The following CSTF2T variants were observed in gnomAD, a reference collection of about 807,000 sequenced individuals.
The protein encoded by CSTF2T is cleavage stimulation factor subunit 2 tau variant.
Under a neutral mutation model 39.9 loss-of-function variants are expected in CSTF2T, and 18 were observed. The ratio of observed to expected loss-of-function variants is 0.45; its 90% CI spans 0.31 to 0.67. The LOEUF is 0.67. CSTF2T is among the 30% of genes least tolerant of loss of function. CSTF2T has a pLI of 0.06. For missense variants in CSTF2T, 681 were observed against 789.0 expected (o/e 0.86, Z 1.64); for synonymous variants, 291 against 276.4 (o/e 1.05, Z -0.52).
Position 51,699,565 on chromosome 10 carries a change from G to C in CSTF2T, c.-16C>G, listed in dbSNP as rs561264758. Reference sequence around the variant, plus strand: ...AACTCGACATGATTCCGGTTGTGCAGACAGCCGATAGCGGATTCTTCGAGG... The same window carrying C: ...AACTCGACATGATTCCGGTTGTGCACACAGCCGATAGCGGATTCTTCGAGG... On this transcript the variant is annotated 5_prime_UTR_variant, in exon 1 of 1. Coordinates refer to ENST00000331173, the MANE Select transcript of CSTF2T (RefSeq NM_015235.3). 6.3e-7 allele frequency: 1 copy of C among 1,599,086 alleles called. No homozygotes were observed. The highest frequency in any genetic ancestry group is 1.1e-5 in the South Asian group (1 of 89,520).
In CSTF2T at chr10:51,697,545, C is replaced by A; in HGVS notation, c.*154G>T. On this transcript the variant is annotated 3_prime_UTR_variant, in exon 1 of 1. Coordinates refer to ENST00000331173, the MANE Select transcript of CSTF2T (RefSeq NM_015235.3). Reference sequence around the variant, plus strand: ...CCCTCAATTAAAAAAAAAAGGAAAACAGAAAGAAAGAAAAAGAACAAAAAA... The same window carrying A: ...CCCTCAATTAAAAAAAAAAGGAAAAAAGAAAGAAAGAAAAAGAACAAAAAA... 26 of 760,008 alleles carry A rather than the reference C, an allele frequency of 3.4e-5. No individual in the cohort carries two copies. Among genetic ancestry groups the A allele is most frequent in the East Asian group, 1.1e-4 (4 of 35,460 alleles). 47.1% of individuals were successfully genotyped at this position (760,008 alleles called of 1,614,324 possible).
rs369546537 is a variant in CSTF2T at position 51,698,062 on chromosome 10, T to C, written c.1488A>G (p.Pro496=). 5.0e-6 allele frequency: 8 copies of C among 1,614,094 alleles called. No individual in the cohort carries two copies. In the African/African-American group the frequency reaches 9.3e-5, roughly 19 times the overall value. The change falls in exon 1 of 1, where the codon CCA becomes CCG. Residue 496 remains proline, a synonymous_variant. Coordinates refer to ENST00000331173, the MANE Select transcript of CSTF2T (RefSeq NM_015235.3). ...CAGGATTCCCCACCCCTGAAATGCCTGGGACCTGTCTGGGTCCCTGAGGAG... is the reference window on the plus strand; with the variant it reads ...CAGGATTCCCCACCCCTGAAATGCCCGGGACCTGTCTGGGTCCCTGAGGAG... The part of the protein sequence containing the change: ...GGPPQGPRQV[P]GISGVGNPGA...
Position 51,697,738 on chromosome 10 carries a change from A to C in CSTF2T, c.1812T>G (p.Ile604Met). The part of the protein sequence containing the change: ...LPPEQRQSIL[I>M]LKEQIQKSTG... ...TGGATTTCTGGATTTGTTCCTTTAA[A>C]ATCAGGATACTCTGCCTTTGCTCAG... is the stretch of plus-strand genomic sequence containing the variant. The change falls in exon 1 of 1, where the codon ATT becomes ATG. Residue 604 changes from isoleucine to methionine, a missense_variant. By Grantham distance (10) the Ile-to-Met change is conservative. Around this residue, in one of 4 missense-constraint regions of CSTF2T, gnomAD observed 282 missense variants for 289.2 expected, o/e 0.98. Coordinates refer to ENST00000331173, the MANE Select transcript of CSTF2T (RefSeq NM_015235.3). The C allele has an allele frequency of 6.2e-7, 1 of 1,614,156 alleles. No individual in the cohort carries two copies.
In CSTF2T at chr10:51,695,776, C is replaced by T. The variant is rs1467444103; in HGVS notation, c.*1923G>A. 2 of 152,078 alleles carry T rather than the reference C, an allele frequency of 1.3e-5. No individual in the cohort carries two copies. The highest frequency in any genetic ancestry group is 2.9e-5 in the Non-Finnish European group (2 of 67,988). The allele number at this position is 152,078 out of a possible 1,614,324, so 9.4% of individuals were successfully genotyped here. ...GAAAACAACAGCATAGGGATGAAAACCTTGCAAACAAAGAATTACTAATTT... is the reference window on the plus strand; with the variant it reads ...GAAAACAACAGCATAGGGATGAAAATCTTGCAAACAAAGAATTACTAATTT... On this transcript the variant is annotated 3_prime_UTR_variant, in exon 1 of 1. Coordinates refer to ENST00000331173, the MANE Select transcript of CSTF2T (RefSeq NM_015235.3).
rs1491289582 is a variant in CSTF2T, at chr10:51,697,103, A to AT, written c.*595dup. 1.3e-5 allele frequency: 2 copies of AT among 152,254 alleles called. No homozygotes were observed. The highest frequency in any genetic ancestry group is 4.8e-5 in the African/African-American group (2 of 41,436). 9.4% of individuals were successfully genotyped at this position (152,254 alleles called of 1,614,324 possible). ...TGCACTCCTTGATTTTTCAGGTAAC[A>AT]TAACTTTAGAAAAAAACAATTCTAA... On this transcript the variant is annotated 3_prime_UTR_variant, in exon 1 of 1. Coordinates refer to ENST00000331173, the MANE Select transcript of CSTF2T (RefSeq NM_015235.3).
chr10:51,696,928 T>C lies in CSTF2T; in HGVS notation c.*771A>G, dbSNP rs1048744579. Reference sequence around the variant, plus strand: ...AAGACTATTGAGAAATAGGAAGGTATTGAGAGACTGGGTTTCATCAGAGCG... The same window carrying C: ...AAGACTATTGAGAAATAGGAAGGTACTGAGAGACTGGGTTTCATCAGAGCG... On this transcript the variant is annotated 3_prime_UTR_variant, in exon 1 of 1. Transcript: ENST00000331173. 3 of 152,182 alleles carry C rather than the reference T, an allele frequency of 2.0e-5. No homozygotes were observed. The highest frequency in any genetic ancestry group is 3.4e-3 in the Middle Eastern group (1 of 294). 9.4% of individuals were successfully genotyped at this position (152,182 alleles called of 1,614,324 possible). A position where few individuals can be genotyped will look rare whatever the true frequency, so the allele number is the denominator to read the frequency against.
At position 51,699,047 on chromosome 10, in the gene CSTF2T, A is replaced by G; in HGVS notation, c.503T>C (p.Leu168Pro). The G allele has an allele frequency of 6.2e-7, 1 of 1,614,226 alleles. No individual in the cohort carries two copies. Among genetic ancestry groups the G allele is most frequent in the Admixed American group, 1.7e-5 (1 of 60,030 alleles). Residue 168 changes from leucine (L) to proline (P), a missense_variant, in exon 1 of 1, where the codon CTG (leucine) becomes CCG (proline). This residue lies in a region of CSTF2T where 329 missense variants were observed against 344.1 expected (regional missense o/e 0.96). Coordinates refer to ENST00000331173, the MANE Select transcript of CSTF2T (RefSeq NM_015235.3). ...ARNMLLQNPQ[L>P]AYALLQAQVV... is the part of the protein sequence containing the mutation. ...TTGTGCCTGCAACAGTGCATAAGCC[A>G]GTTGTGGATTTTGAAGTAACATGTT...
At position 51,697,593 on chromosome 10, in the gene CSTF2T, G is replaced by A. The variant is rs915872436; in HGVS notation, c.*106C>T. The A allele has an allele frequency of 1.8e-6, 2 of 1,101,210 alleles. No individual in the cohort carries two copies. The allele number at this position is 1,101,210 out of a possible 1,614,324, so 68.2% of individuals were successfully genotyped here. On this transcript the variant is annotated 3_prime_UTR_variant, in exon 1 of 1. Transcript: ENST00000331173. ...AAATAAGATTAGGTTCTAGGAGGAG[G>A]GAAACCCTAATCCAAGTGTGGGGAT...
In CSTF2T at chr10:51,697,407, G is replaced by A; in HGVS notation, c.*292C>T. 1 of 378,090 alleles carries A rather than the reference G, an allele frequency of 2.6e-6. No individual in the cohort carries two copies. The highest frequency in any genetic ancestry group is 4.8e-6 in the Non-Finnish European group (1 of 210,370). 23.4% of individuals were successfully genotyped at this position (378,090 alleles called of 1,614,324 possible). The stretch of plus-strand genomic sequence containing the variant: ...TAAAAAATGTAGTTAACATACTGTA[G>A]ATGCTTCAATATTGCTGCTTATTCT... On this transcript the variant is annotated 3_prime_UTR_variant, in exon 1 of 1. Transcript: ENST00000331173.
In CSTF2T at chr10:51,699,066, A is replaced by C; in HGVS notation, c.484T>G (p.Leu162Val). The stretch of plus-strand genomic sequence containing the variant: ...TAAGCCAGTTGTGGATTTTGAAGTA[A>C]CATGTTTCGAGCTTCCTGGTGGCTG... ...QNSHQEARNM[L>V]LQNPQLAYAL... Residue 162 changes from leucine to valine, a missense_variant, in exon 1 of 1, where the codon TTA becomes GTA. Transcript: ENST00000331173. 1 of 1,614,216 alleles carries C rather than the reference A, an allele frequency of 6.2e-7. No homozygotes were observed. The highest frequency in any genetic ancestry group is 8.5e-7 in the Non-Finnish European group (1 of 1,180,036).
At position 51,698,383 on chromosome 10, in the gene CSTF2T, T is replaced by C; in HGVS notation, c.1167A>G (p.Arg389=). 1 of 1,614,034 alleles carries C rather than the reference T, an allele frequency of 6.2e-7. No individual in the cohort carries two copies. Among genetic ancestry groups the C allele is most frequent in the Non-Finnish European group, 8.5e-7 (1 of 1,179,994 alleles). The change falls in exon 1 of 1, where the codon AGA becomes AGG. Residue 389 remains arginine (R), a synonymous_variant. Transcript: ENST00000331173. The stretch of plus-strand genomic sequence containing the variant: ...GGCCTCTGGGCTCTCCAATTAGCAG[T>C]CTGGGATCTCCTAATGGCCCTCCCC... ...EMRGGPLGDP[R]LLIGEPRGPM... is the part of the protein sequence containing the mutation.
chr10:51,697,649 A>G lies in CSTF2T; in HGVS notation c.*50T>C. 1 of 1,586,262 alleles carries G rather than the reference A, an allele frequency of 6.3e-7. No individual in the cohort carries two copies. The highest frequency in any genetic ancestry group is 8.6e-7 in the Non-Finnish European group (1 of 1,162,604). On this transcript the variant is annotated 3_prime_UTR_variant, in exon 1 of 1. Coordinates refer to ENST00000331173, the MANE Select transcript of CSTF2T (RefSeq NM_015235.3). Reference sequence around the variant, plus strand: ...AGTCAGCTTTTTGCACCCATTCTCCATGCTACAGAATAAAATTTGAGACTA... The same window carrying G: ...AGTCAGCTTTTTGCACCCATTCTCCGTGCTACAGAATAAAATTTGAGACTA...
rs887026451 is a variant in CSTF2T, at chr10:51,696,510, G to A, written c.*1189C>T. 1.3e-5 allele frequency: 2 copies of A among 151,878 alleles called. No individual in the cohort carries two copies. The highest frequency in any genetic ancestry group is 2.4e-5 in the African/African-American group (1 of 41,326). The allele number at this position is 151,878 out of a possible 1,614,324, so 9.4% of individuals were successfully genotyped here. On this transcript the variant is annotated 3_prime_UTR_variant, in exon 1 of 1. Coordinates refer to ENST00000331173, the MANE Select transcript of CSTF2T (RefSeq NM_015235.3). ...TAGGAAGGTATTGAGAGATTATTGG[G>A]TTTCATCAGAGCAGACTTAAGTAGC...
Position 51,698,066 on chromosome 10 carries a change from A to C in CSTF2T, c.1484T>G (p.Val495Gly). Reference sequence around the variant, plus strand: ...ATTCCCCACCCCTGAAATGCCTGGGACCTGTCTGGGTCCCTGAGGAGGGCC... The same window carrying C: ...ATTCCCCACCCCTGAAATGCCTGGGCCCTGTCTGGGTCCCTGAGGAGGGCC... ...AGGPPQGPRQ[V>G]PGISGVGNPG... Residue 495 changes from valine (V) to glycine (G), a missense_variant, in exon 1 of 1, where the codon GTC (valine) becomes GGC (glycine). This residue lies in a region of CSTF2T where 282 missense variants were observed against 289.2 expected (regional missense o/e 0.98). Coordinates refer to ENST00000331173, the MANE Select transcript of CSTF2T (RefSeq NM_015235.3). The C allele has an allele frequency of 6.2e-7, 1 of 1,613,946 alleles. No homozygotes were observed.
chr10:51,697,594 G>A lies in CSTF2T; in HGVS notation c.*105C>T, dbSNP rs1589211423. On this transcript the variant is annotated 3_prime_UTR_variant, in exon 1 of 1. Transcript: ENST00000331173. The stretch of plus-strand genomic sequence containing the variant: ...AATAAGATTAGGTTCTAGGAGGAGG[G>A]AAACCCTAATCCAAGTGTGGGGATA... The A allele has an allele frequency of 2.3e-5, 25 of 1,107,048 alleles. No individual in the cohort carries two copies. Among genetic ancestry groups the A allele is most frequent in the Middle Eastern group, 3.1e-4 (1 of 3,244 alleles). 68.6% of individuals were successfully genotyped at this position (1,107,048 alleles called of 1,614,324 possible).
At position 51,696,923 on chromosome 10, in the gene CSTF2T, A is replaced by G. The variant is rs1841308541; in HGVS notation, c.*776T>C. 1.3e-5 allele frequency: 2 copies of G among 152,232 alleles called. No individual in the cohort carries two copies. Among genetic ancestry groups the G allele is most frequent in the African/African-American group, 4.8e-5 (2 of 41,544 alleles). The allele number at this position is 152,232 out of a possible 1,614,324, so 9.4% of individuals were successfully genotyped here. ...GCTTAAAGACTATTGAGAAATAGGA[A>G]GGTATTGAGAGACTGGGTTTCATCA... is the stretch of plus-strand genomic sequence containing the variant. On this transcript the variant is annotated 3_prime_UTR_variant, in exon 1 of 1. Coordinates refer to ENST00000331173, the MANE Select transcript of CSTF2T (RefSeq NM_015235.3).
rs149460133 is a variant in CSTF2T at position 51,696,667 on chromosome 10, A to G, written c.*1032T>C. 5 of 151,682 alleles carry G rather than the reference A, an allele frequency of 3.3e-5. No individual in the cohort carries two copies. The East Asian group carries it at 9.8e-4, about 30-fold the overall frequency. The allele number at this position is 151,682 out of a possible 1,614,324, so 9.4% of individuals were successfully genotyped here. A position where few individuals can be genotyped will look rare whatever the true frequency, so the allele number is the denominator to read the frequency against. ...AGGTGCAGTCCTTAATTTCTCAGGTAACATAACTTTAGAAAAAACAATTCT... is the reference window on the plus strand; with the variant it reads ...AGGTGCAGTCCTTAATTTCTCAGGTGACATAACTTTAGAAAAAACAATTCT... On this transcript the variant is annotated 3_prime_UTR_variant, in exon 1 of 1. Transcript: ENST00000331173.
rs772042019 is a variant in CSTF2T, at chr10:51,699,406, T to A, written c.144A>T (p.Val48=). ...EVGSVVSFRL[V]YDRETGKPKG... ...TGGGTTTTCCCGTCTCTCTATCGTA[T>A]ACCAGCCGGAAACTGACAACAGAAC... Residue 48 remains valine (V), a synonymous_variant, in exon 1 of 1, where the codon GTA becomes GTT. Transcript: ENST00000331173. 1.4e-5 allele frequency: 22 copies of A among 1,614,066 alleles called. No individual in the cohort carries two copies. The African/African-American group carries it at 2.5e-4, about 19-fold the overall frequency.
rs1015350820 is a variant in CSTF2T at position 51,697,981 on chromosome 10, T to C, written c.1569A>G (p.Ile523Met). 8 of 1,608,508 alleles carry C rather than the reference T, an allele frequency of 5.0e-6. No individual in the cohort carries two copies. The highest frequency in any genetic ancestry group is 3.3e-4 in the Middle Eastern group (2 of 6,084). ...CTGCCCCCTGCATCCCTCCTCCTTG[T>C]ATGCCTGCTCCCTGCATGCCTGTTC... ...IQGTGMQGAG[I>M]QGGGMQGAGI... The change falls in exon 1 of 1, where the codon ATA becomes ATG. Residue 523 changes from isoleucine to methionine, a missense_variant. Coordinates refer to ENST00000331173, the MANE Select transcript of CSTF2T (RefSeq NM_015235.3).
Sources: allele counts gnomAD v4.1 joint callset, GRCh38; gene constraint gnomAD v4.1.1; regional missense constraint gnomAD v4.1.1; transcripts MANE v1.5; gene names NCBI Gene and HGNC (gene_info 2026-07-23, HGNC 2026-07-21).